The following PRKG2 variants were observed in gnomAD, a reference collection of about 807,000 sequenced individuals.
PRKG2 encodes protein kinase cGMP-dependent 2, also known as cGMP-dependent protein kinase 2.
A neutral mutation model predicts 97.2 loss-of-function variants in PRKG2; 33 were observed. The observed-to-expected ratio is 0.34, with a 90% CI of 0.26 to 0.45. The LOEUF is 0.45. PRKG2 is among the 20% of genes least tolerant of loss of function. The probability of loss-of-function intolerance (pLI) is 1.00; values close to 1 mark genes in which losing one functional copy is unlikely to be tolerated. For missense variants in PRKG2, 638 were observed against 900.0 expected, an observed-to-expected ratio of 0.71 and a Z score of 3.73; for synonymous variants, 330 against 321.8, an observed-to-expected ratio of 1.03 and a Z score of -0.27.
chr4:81,141,139 T>C (rs1391099387), intron 11 of PRKG2, among the ~76,000 whole-genome samples: 1 of 152,042 alleles, frequency 6.6e-6, no homozygotes, highest in Non-Finnish European at 1.5e-5. Flanking sequence ...GCTTCCTGAG[T>C]AGCTGGGACT....
intron 1 of PRKG2, among the ~76,000 whole-genome samples, chr4:81,206,728 T>C (rs1753694071): frequency 6.6e-6 from 1 of 152,150 alleles, no homozygotes; most frequent in Admixed American, 6.5e-5. Flanking sequence ...TAAATAGAAG[T>C]GAAATACTTA....
intron 15 of PRKG2, among the ~76,000 whole-genome samples, chr4:81,106,418 A>G (rs968077026): frequency 8.5e-5 from 13 of 152,256 alleles, no homozygotes; most frequent in Middle Eastern, 3.4e-3. Context: ...TGGTGGAGTG[A>G]GGAAGCAAGA....
chr4:81,213,423 A>G (rs1352044520), intron 1 of PRKG2, among the ~76,000 whole-genome samples: 2 of 152,170 alleles, frequency 1.3e-5, no homozygotes, highest in Non-Finnish European at 2.9e-5. Flanking sequence ...GGCCATGCAG[A>G]TAAGATCCTT....
chr4:81,131,150 C>A (rs985891306), intron 14 of PRKG2, among the ~76,000 whole-genome samples: 2 of 152,070 alleles, frequency 1.3e-5, no homozygotes, highest in Non-Finnish European at 2.9e-5. Flanking sequence ...CTGTGGGTTG[C>A]AAGGACCATG....
rs182175601 is a variant in PRKG2, at chr4:81,187,318, A to C, written c.462-12359T>G. ...CATCCTTGGGATGCAAGGCTGGTTC[A>C]ACATATGCAAATCAAAAAATGTAAT... On this transcript the variant is annotated intron_variant, in intron 2 of 18. Coordinates refer to ENST00000264399, the MANE Select transcript of PRKG2 (RefSeq NM_006259.3). 3.5e-3 allele frequency among the ~76,000 whole-genome samples: 534 copies of C among 152,360 alleles called. 4 individuals carry two copies. Among genetic ancestry groups the C allele is most frequent in the Middle Eastern group, 0.01 (3 of 294 alleles).
At chr4:81,115,888 C>T (rs1205014515) in intron 14 of PRKG2, among the ~76,000 whole-genome samples, 1 of 152,176 alleles carries the variant, frequency 6.6e-6, no homozygotes, top group Non-Finnish European at 1.5e-5. Context: ...TTAGAGTTAG[C>T]TCTAGATACA....
chr4:81,122,045 T>C (rs933731789), intron 14 of PRKG2, among the ~76,000 whole-genome samples: 2 of 152,152 alleles, frequency 1.3e-5, no homozygotes, highest in Non-Finnish European at 2.9e-5. Context: ...CTCACATGAG[T>C]TAATACATTC....
At chr4:81,166,037 G>A (rs1256284016) in intron 6 of PRKG2, among the ~76,000 whole-genome samples, 6 of 151,934 alleles carry the variant, frequency 3.9e-5, no homozygotes, top group Non-Finnish European at 8.8e-5. Context: ...TACAATGGGA[G>A]ACTCTCCAGA....
In PRKG2 at chr4:81,209,559, TAG is replaced by T. The variant is rs556917867; in HGVS notation, c.-13-4501_-13-4500del. 3.8e-3 allele frequency among the ~76,000 whole-genome samples: 581 copies of T among 152,104 alleles called. 7 individuals carry two copies. Among genetic ancestry groups the T allele is most frequent in the African/African-American group, 0.014 (561 of 41,494 alleles). On this transcript the variant is annotated intron_variant, in intron 1 of 18. Transcript: ENST00000264399. Reference sequence around the variant, plus strand: ...ATAATGGAAGAAAAAGATAGAAACATAGAGAGATAGACAAAACAATGCTGCCT... The same window carrying T: ...ATAATGGAAGAAAAAGATAGAAACATAGAGATAGACAAAACAATGCTGCCT...
intron 2 of PRKG2, among the ~76,000 whole-genome samples, chr4:81,177,610 G>T (rs1578475126): frequency 6.6e-6 from 1 of 152,204 alleles, no homozygotes; most frequent in East Asian, 1.9e-4. Flanking sequence ...TGAGGCAGGA[G>T]AATGGCGTGA....
At chr4:81,159,799 G>A (rs1749449102) in intron 6 of PRKG2, among the ~76,000 whole-genome samples, 2 of 151,952 alleles carry the variant, frequency 1.3e-5, no homozygotes, top group Admixed American at 1.3e-4. Context: ...ATGAGTTCAT[G>A]TCCTTTGTAG....
intron 2 of PRKG2, among the ~76,000 whole-genome samples, chr4:81,192,839 G>A (rs1449755556): frequency 3.3e-5 from 5 of 152,130 alleles, no homozygotes; most frequent in Non-Finnish European, 5.9e-5. Context: ...CATTTGAGGT[G>A]GCAGCAGTAA....
At chr4:81,172,395 A>T (rs1260395444) in intron 3 of PRKG2, among the ~76,000 whole-genome samples, 1 of 152,104 alleles carries the variant, frequency 6.6e-6, no homozygotes, top group African/African-American at 2.4e-5. Context: ...CTGTGTCCTG[A>T]TTCAACTCAT....
At chr4:81,109,057 T>C (rs1743645766) in intron 15 of PRKG2, among the ~76,000 whole-genome samples, 1 of 152,240 alleles carries the variant, frequency 6.6e-6, no homozygotes, top group African/African-American at 2.4e-5. Flanking sequence ...AACAAATTTT[T>C]GAAATAGAAT....
At chr4:81,101,166 C>T (rs1336723266) in intron 17 of PRKG2, among the ~76,000 whole-genome samples, 1 of 151,724 alleles carries the variant, frequency 6.6e-6, no homozygotes. Flanking sequence ...GGTGATTCCT[C>T]AGGGATCTAG....
At chr4:81,150,475 G>A (rs1302692782) in intron 8 of PRKG2, among the ~76,000 whole-genome samples, 2 of 152,030 alleles carry the variant, frequency 1.3e-5, no homozygotes, top group Non-Finnish European at 2.9e-5. Context: ...AGCATTAAAA[G>A]GCACAAAAAT....
intron 2 of PRKG2, among the ~76,000 whole-genome samples, chr4:81,190,300 C>A (rs1027082293): frequency 1.5e-4 from 23 of 152,122 alleles, no homozygotes; most frequent in Non-Finnish European, 1.3e-4. Context: ...TGATCTTTGA[C>A]AAACAAGCAA....
chr4:81,137,672 A>C (rs1746846947), intron 12 of PRKG2, among the ~76,000 whole-genome samples, 190 bp from the exon 13 acceptor site: 1 of 152,086 alleles, frequency 6.6e-6, no homozygotes, highest in African/African-American at 2.4e-5. Flanking sequence ...GCTCCTGTGG[A>C]TCTCACTTAG....
intron 1 of PRKG2, among the ~76,000 whole-genome samples, chr4:81,212,875 G>A (rs559552006): frequency 6.6e-6 from 1 of 152,288 alleles, no homozygotes; most frequent in African/African-American, 2.4e-5. Flanking sequence ...AATATTAGAA[G>A]AGGGTGAGTA....
Sources: allele counts gnomAD v4.1 joint callset (sites outside exome capture counted in the v4.1 genomes callset), GRCh38; gene constraint gnomAD v4.1.1; transcripts MANE v1.5; gene names NCBI Gene and HGNC (gene_info 2026-07-23, HGNC 2026-07-21).